HS6ST3: variants seen among roughly 807,000 people sequenced by gnomAD.
HS6ST3 encodes the protein heparan-sulfate 6-O-sulfotransferase 3.
In HS6ST3, 12 loss-of-function variants were observed where a neutral mutation model predicts 36.7. The observed-to-expected ratio is 0.33, with a 90% CI of 0.21 to 0.53. The LOEUF (loss-of-function observed/expected upper bound fraction) is 0.53, where lower values mean the gene tolerates loss of function less well. Ranked by LOEUF, HS6ST3 falls within the 20% of genes least tolerant of loss-of-function variation. The pLI is 0.95. For missense variants in HS6ST3, 584 were observed against 640.9 expected, an observed-to-expected ratio of 0.91 and a Z score of 0.96; for synonymous variants, 240 against 257.5, an observed-to-expected ratio of 0.93 and a Z score of 0.65.
chr13:96,532,048 G>A (rs2056137786), intron 1 of HS6ST3, among the ~76,000 whole-genome samples: 1 of 152,140 alleles, frequency 6.6e-6, no homozygotes, highest in Non-Finnish European at 1.5e-5. Flanking sequence ...GGTCACCTGA[G>A]CCCTACCTGG....
chr13:96,320,713 CA>C (rs2054998945), intron 1 of HS6ST3, among the ~76,000 whole-genome samples: 1 of 152,216 alleles, frequency 6.6e-6, no homozygotes, highest in African/African-American at 2.4e-5. Context: ...CATGGCCCAG[CA>C]GCTGGTGTGG....
At chr13:96,657,688 A>G (rs1053921432) in intron 1 of HS6ST3, among the ~76,000 whole-genome samples, 1 of 152,192 alleles carries the variant, frequency 6.6e-6, no homozygotes, top group African/African-American at 2.4e-5. Context: ...GACGGTGGAC[A>G]TGCTAATACC....
chr13:96,336,648 A>T (rs1234456464), intron 1 of HS6ST3, among the ~76,000 whole-genome samples: 2 of 152,178 alleles, frequency 1.3e-5, no homozygotes, highest in Non-Finnish European at 2.9e-5. Context: ...CCCTGCCTAC[A>T]CTTTGATCTT....
At chr13:96,408,212 A>G (rs2055488845) in intron 1 of HS6ST3, among the ~76,000 whole-genome samples, 1 of 152,120 alleles carries the variant, frequency 6.6e-6, no homozygotes, top group Admixed American at 6.5e-5. Context: ...TGCTGGGATT[A>G]CAAGTATGAG....
chr13:96,183,621 C>CTACA (rs2054250468), intron 1 of HS6ST3, among the ~76,000 whole-genome samples: 1 of 152,130 alleles, frequency 6.6e-6, no homozygotes, highest in Non-Finnish European at 1.5e-5. Flanking sequence ...CTTACCTGTG[C>CTACA]TACAGTATGG....
At chr13:96,174,414 T>C (rs2054203215) in intron 1 of HS6ST3, among the ~76,000 whole-genome samples, 1 of 152,156 alleles carries the variant, frequency 6.6e-6, no homozygotes, top group Admixed American at 6.6e-5. Context: ...TTAATTTATT[T>C]ATTGAGATGG....
At chr13:96,602,300 G>A (rs1204736930) in intron 1 of HS6ST3, among the ~76,000 whole-genome samples, 1 of 152,060 alleles carries the variant, frequency 6.6e-6, no homozygotes, top group Non-Finnish European at 1.5e-5. Flanking sequence ...CCAGTTGCTG[G>A]CATCTTATTT....
chr13:96,389,693 G>T (rs2055386376), intron 1 of HS6ST3, among the ~76,000 whole-genome samples: 1 of 152,004 alleles, frequency 6.6e-6, no homozygotes, highest in Non-Finnish European at 1.5e-5. Flanking sequence ...GAACACAATG[G>T]ATAAAAGACT....
At chr13:96,115,966 T>G (rs2139302890) in intron 1 of HS6ST3, among the ~76,000 whole-genome samples, 2 of 152,312 alleles carry the variant, frequency 1.3e-5, no homozygotes, top group Middle Eastern at 6.8e-3. Flanking sequence ...GGTATCTCAT[T>G]GTGGTTTTGA....
intron 1 of HS6ST3, among the ~76,000 whole-genome samples, chr13:96,150,362 A>G (rs9562038): frequency 0.17 from 26,283 of 151,876 alleles, 2,814 homozygotes; most frequent in East Asian, 0.28. Context: ...CCAGGGATAG[A>G]AGTTCTCACT....
At position 96,426,560 on chromosome 13, in the gene HS6ST3, C is replaced by T. The variant is rs147869491; in HGVS notation, c.707+334991C>T. 2.5e-3 allele frequency among the ~76,000 whole-genome samples: 377 copies of T among 152,200 alleles called. 2 individuals carry two copies. Among genetic ancestry groups the T allele is most frequent in the African/African-American group, 6.6e-3 (273 of 41,544 alleles). On this transcript the variant is annotated intron_variant, in intron 1 of 1. Transcript: ENST00000376705. ...GAGTCTTACATAGCTTGATGGTTTCCCTTTGCCATTTTAAAGGGACTAGAG... is the reference window on the plus strand; with the variant it reads ...GAGTCTTACATAGCTTGATGGTTTCTCTTTGCCATTTTAAAGGGACTAGAG...
intron 1 of HS6ST3, among the ~76,000 whole-genome samples, chr13:96,633,770 T>A (rs1440002526): frequency 6.6e-6 from 1 of 152,156 alleles, no homozygotes; most frequent in East Asian, 1.9e-4. Context: ...CAAGAAATGC[T>A]GCATCAAGAA....
chr13:96,604,996 G>A (rs978834757), intron 1 of HS6ST3, among the ~76,000 whole-genome samples: 2 of 152,068 alleles, frequency 1.3e-5, no homozygotes, highest in Non-Finnish European at 2.9e-5. Flanking sequence ...AGTGAGAGGT[G>A]AAAAAGAAAA....
chr13:96,288,392 G>A (rs2054813890), intron 1 of HS6ST3, among the ~76,000 whole-genome samples: 1 of 151,952 alleles, frequency 6.6e-6, no homozygotes, highest in Non-Finnish European at 1.5e-5. Context: ...TTTTGGACTA[G>A]ATTACTCAAA....
At chr13:96,255,706 C>T (rs1047101499) in intron 1 of HS6ST3, among the ~76,000 whole-genome samples, 9 of 152,152 alleles carry the variant, frequency 5.9e-5, no homozygotes, top group African/African-American at 2.2e-4. Flanking sequence ...CTAAAACTAG[C>T]CTTTGTCTTC....
chr13:96,374,921 T>C (rs182086864), intron 1 of HS6ST3, among the ~76,000 whole-genome samples: 10 of 152,318 alleles, frequency 6.6e-5, no homozygotes, highest in Admixed American at 4.6e-4. Context: ...ACGTATCAAC[T>C]AAGTAACAAG....
chr13:96,133,941 A>G (rs765003307), intron 1 of HS6ST3, among the ~76,000 whole-genome samples: 4 of 151,240 alleles, frequency 2.6e-5, no homozygotes, highest in Non-Finnish European at 5.9e-5. Flanking sequence ...CATGTAATCC[A>G]TTTTGAGTTG....
chr13:96,194,543 A>G (rs1019156307), intron 1 of HS6ST3, among the ~76,000 whole-genome samples: 3 of 152,150 alleles, frequency 2.0e-5, no homozygotes, highest in Admixed American at 6.5e-5. Context: ...ATACATCTAC[A>G]TTGTGAGGTG....
intron 1 of HS6ST3, among the ~76,000 whole-genome samples, chr13:96,174,383 C>T (rs1452919375): frequency 2.0e-5 from 3 of 152,006 alleles, no homozygotes; most frequent in Admixed American, 6.6e-5. Context: ...CCTCTTCCCT[C>T]CAAATTTTTT....
Sources: allele counts gnomAD v4.1 joint callset (sites outside exome capture counted in the v4.1 genomes callset), GRCh38; gene constraint gnomAD v4.1.1; transcripts MANE v1.5; gene names NCBI Gene and HGNC (gene_info 2026-07-23, HGNC 2026-07-21).